The following CATSPERD variants were observed in gnomAD, a reference collection of about 807,000 sequenced individuals.
CATSPERD encodes catsper channel auxiliary subunit delta.
A neutral mutation model predicts 98.1 loss-of-function variants in CATSPERD; 86 were observed. The observed-to-expected ratio is 0.88, with a 90% confidence interval of 0.74 to 1.05. CATSPERD has a LOEUF of 1.05. Ranked by LOEUF, CATSPERD falls within the 50% of genes least tolerant of loss-of-function variation. CATSPERD has a pLI of 0.00. For missense variants in CATSPERD, 995 were observed against 1,005.7 expected (o/e 0.99, Z 0.14); for synonymous variants, 394 against 390.2 (o/e 1.01, Z -0.12).
intron 15 of CATSPERD, among the ~76,000 whole-genome samples, chr19:5,760,073 CAAA>C (rs60075484): frequency 2.1e-5 from 1 of 48,528 alleles, no homozygotes; most frequent in African/African-American, 9.4e-5. Context: ...GACTCCATCT[CAAA>C]AAAAAAAAAA....
At chr19:5,763,847 C>CTTTTTTTTTTTTTTTTGTTTTTTTT (rs2056488491) in intron 16 of CATSPERD, among the ~76,000 whole-genome samples, 1 of 62,120 alleles carries the variant, frequency 1.6e-5, no homozygotes, top group East Asian at 4.9e-4. Flanking sequence ...TCTTGAACTC[C>CTTTTTTTTTTTTTTTTGTTTTTTTT]TTTTTTTTTT....
intron 16 of CATSPERD, 69 bp from the exon 17 acceptor site, chr19:5,766,034 T>C: frequency 2.4e-6 from 3 of 1,234,018 alleles, no homozygotes; most frequent in East Asian, 4.8e-5. Flanking sequence ...TGTGTCCCTG[T>C]ATAGGGTTCA....
intron 13 of CATSPERD, among the ~76,000 whole-genome samples, chr19:5,757,444 T>C (rs2056344988): frequency 1.3e-5 from 2 of 151,298 alleles, no homozygotes; most frequent in Non-Finnish European, 2.9e-5. Context: ...ATTACAGGCA[T>C]GCACCACCAT....
chr19:5,735,130 C>CA (rs1315122216), intron 5 of CATSPERD, among the ~76,000 whole-genome samples: 1 of 152,012 alleles, frequency 6.6e-6, no homozygotes, highest in Non-Finnish European at 1.5e-5. Flanking sequence ...GCCATCTTTA[C>CA]AAAAAACCTT....
At chr19:5,776,393 C>G in intron 21 of CATSPERD, 78 bp downstream of exon 21, 1 of 1,523,376 alleles carries the variant, frequency 6.6e-7, no homozygotes. Flanking sequence ...GGGGGACATG[C>G]AGGTCCTGGC....
chr19:5,727,254 G>T lies in CATSPERD; in HGVS notation c.127-14G>T, dbSNP rs1555717102. On this transcript the variant is annotated splice_polypyrimidine_tract_variant and intron_variant, in intron 2 of 21. Transcript: ENST00000381624. ...GTTATTGATATTATTAAGATTTTGTGATTATCTCTCTAGGACCGCCTGTAT... is the reference window on the plus strand; with the variant it reads ...GTTATTGATATTATTAAGATTTTGTTATTATCTCTCTAGGACCGCCTGTAT... The T allele has an allele frequency of 6.3e-7, 1 of 1,596,722 alleles. No individual in the cohort carries two copies. The highest frequency in any genetic ancestry group is 1.7e-5 in the Admixed American group (1 of 59,218).
Position 5,727,361 on chromosome 19 carries a change from T to A in CATSPERD, c.203+17T>A. 1.3e-6 allele frequency: 2 copies of A among 1,517,460 alleles called. No individual in the cohort carries two copies. The highest frequency in any genetic ancestry group is 2.8e-5 in the African/African-American group (2 of 72,714). The allele number at this position is 1,517,460 out of a possible 1,614,324, so 94.0% of individuals were successfully genotyped here. On this transcript the variant is annotated intron_variant, in intron 3 of 21. Coordinates refer to ENST00000381624, the MANE Select transcript of CATSPERD (RefSeq NM_152784.4). ...ATATCTAGGGTAAGTGGCAATTTTA[T>A]GTACTGTTACCTTCCTTTTAAATTA...
chr19:5,761,703 C>CT (rs572014239), intron 15 of CATSPERD, among the ~76,000 whole-genome samples: 2,632 of 62,516 alleles, frequency 0.042, 268 homozygotes, highest in African/African-American at 0.13. Flanking sequence ...ATCATACATT[C>CT]TTTTTTTTTT....
intron 9 of CATSPERD, among the ~76,000 whole-genome samples, chr19:5,747,834 A>C (rs2056125415): frequency 6.6e-6 from 1 of 151,004 alleles, no homozygotes; most frequent in Non-Finnish European, 1.5e-5. Context: ...CTGATCTCGA[A>C]CTCCTGACTT....
At chr19:5,749,204 G>A (rs985234844) in intron 11 of CATSPERD, 21 bp downstream of exon 11, 10 of 1,585,992 alleles carry the variant, frequency 6.3e-6, no homozygotes, top group Non-Finnish European at 8.6e-6. Context: ...AGAAAGTGGG[G>A]TTATGGGCTG....
chr19:5,765,977 G>C (rs575028977), intron 16 of CATSPERD, 126 bp from the exon 17 acceptor site: 4 of 585,030 alleles, frequency 6.8e-6, no homozygotes, highest in African/African-American at 1.9e-5. Flanking sequence ...CCAGGGACAC[G>C]CTGTTGGGAT....
At chr19:5,747,084 ATC>A (rs1377237722) in intron 9 of CATSPERD, among the ~76,000 whole-genome samples, 1 of 151,372 alleles carries the variant, frequency 6.6e-6, no homozygotes, top group Non-Finnish European at 1.5e-5. Flanking sequence ...GCTTCAAGCA[ATC>A]CTCCTGCCTT....
Position 5,768,255 on chromosome 19 carries a change from C to T in CATSPERD, c.1634+13C>T, listed in dbSNP as rs755703879. On this transcript the variant is annotated intron_variant, in intron 18 of 21. Transcript: ENST00000381624. ...TCATCATCGAGAAGTAAGCCAGCGT[C>T]CCCCCGCAACACCTGACACCCAAGG... 1.9e-6 allele frequency: 3 copies of T among 1,608,628 alleles called. No individual in the cohort carries two copies. The highest frequency in any genetic ancestry group is 1.7e-6 in the Non-Finnish European group (2 of 1,176,282).
At chr19:5,731,079 G>A (rs12459512) in intron 4 of CATSPERD, among the ~76,000 whole-genome samples, 18,838 of 146,322 alleles carry the variant, frequency 0.13, 2,136 homozygotes, top group East Asian at 0.6. Flanking sequence ...GTGACAGAGC[G>A]AGACTCCGTC....
In CATSPERD at chr19:5,751,681, C is replaced by T. The variant is rs1186659935; in HGVS notation, c.1022C>T (p.Ala341Val). The T allele has an allele frequency of 6.2e-7, 1 of 1,611,444 alleles. No homozygotes were observed. Among genetic ancestry groups the T allele is most frequent in the Admixed American group, 1.7e-5 (1 of 59,764 alleles). The change falls in exon 12 of 22, where the codon GCC becomes GTC. Residue 341 changes from alanine (A) to valine (V), a missense_variant. This residue lies in a region of CATSPERD where 762 missense variants were observed against 773.7 expected (regional missense o/e 0.98). Coordinates refer to ENST00000381624, the MANE Select transcript of CATSPERD (RefSeq NM_152784.4). ...CAATACATCTGGTCAGAAGACGTGG[C>T]CCTGATGTTCAGGAGCCCAGGGACT... is the stretch of plus-strand genomic sequence containing the variant. ...ADQYIWSEDV[A>V]LMFRSPGTLE...
intron 4 of CATSPERD, among the ~76,000 whole-genome samples, chr19:5,731,560 G>GTTGTT (rs752356720): frequency 7.5e-4 from 57 of 75,726 alleles, no homozygotes; most frequent in African/African-American, 2.8e-3. Context: ...ACACTTAACA[G>GTTGTT]TTTTTTTTTT....
rs959353273 is a variant in CATSPERD, at chr19:5,770,928, T to G, written c.1635-16T>G. The G allele has an allele frequency of 6.3e-7, 1 of 1,595,222 alleles. No individual in the cohort carries two copies. The highest frequency in any genetic ancestry group is 1.3e-5 in the African/African-American group (1 of 74,298). ...AACTCACAGACTCCCCATCTCTGCT[T>G]CTTGGTGTCTTGAAGGGAATTCTAC... On this transcript the variant is annotated splice_polypyrimidine_tract_variant and intron_variant, in intron 18 of 21. Coordinates refer to ENST00000381624, the MANE Select transcript of CATSPERD (RefSeq NM_152784.4).
At chr19:5,773,012 G>C (rs1239759467) in intron 20 of CATSPERD, 47 bp downstream of exon 20, 2 of 1,580,220 alleles carry the variant, frequency 1.3e-6, no homozygotes, top group Non-Finnish European at 1.7e-6. Context: ...CAGCCCACCA[G>C]GGGGTGGGAG....
At chr19:5,744,305 T>G in intron 7 of CATSPERD, 122 bp from the exon 8 acceptor site, 29 of 783,352 alleles carry the variant, frequency 3.7e-5, no homozygotes, top group Non-Finnish European at 5.5e-5. Flanking sequence ...ACAGAGGGCA[T>G]TATTTGTTTT....
Sources: gnomAD v4.1 joint callset for allele counts (sites outside exome capture counted in the v4.1 genomes callset) on GRCh38, gnomAD v4.1.1 for gene constraint, gnomAD v4.1.1 regional missense constraint, MANE v1.5 for transcripts, NCBI Gene and HGNC (gene_info 2026-07-23, HGNC 2026-07-21) for gene names.